Variants in PDPR observed in about 807,000 individuals in gnomAD.
PDPR encodes pyruvate dehydrogenase phosphatase regulatory subunit, mitochondrial.
Under a neutral mutation model 102.2 loss-of-function variants are expected in PDPR, and 50 were observed. That is an observed-to-expected ratio of 0.49 (90% CI 0.39 to 0.62). PDPR has a LOEUF of 0.62. Ranked by LOEUF, PDPR falls within the 20% of genes least tolerant of loss-of-function variation. The pLI, the probability that PDPR is intolerant of heterozygous loss-of-function variation, is 0.00. For synonymous variants in PDPR, 259 were observed against 406.0 expected (o/e 0.64, Z 4.35); for missense variants, 625 against 1,098.2 (o/e 0.57, Z 6.09).
chr16:70,157,180 C>G lies in PDPR; in HGVS notation c.*301C>G, dbSNP rs1482219880. The G allele has an allele frequency of 9.7e-6, 6 of 617,888 alleles. No homozygotes were observed. Among genetic ancestry groups the G allele is most frequent in the South Asian group, 9.1e-5 (6 of 65,888 alleles). 38.3% of individuals were successfully genotyped at this position (617,888 alleles called of 1,614,324 possible). A position where few individuals can be genotyped will look rare whatever the true frequency, so the allele number is the denominator to read the frequency against. On this transcript the variant is annotated 3_prime_UTR_variant, in exon 19 of 19. Coordinates refer to ENST00000288050, the MANE Select transcript of PDPR (RefSeq NM_017990.5). ...GGACAGAAGCAAGCTCCACTGTGGA[C>G]ATGAGTGATGGTGACAGCTGCTTTC...
chr16:70,128,424 C>T (rs1481608167), intron 4 of PDPR, among the ~76,000 whole-genome samples: 3 of 152,242 alleles, frequency 2.0e-5, no homozygotes, highest in Non-Finnish European at 4.4e-5. Flanking sequence ...GACAGGGTTT[C>T]ACCATGCTGG....
intron 16 of PDPR, 145 bp from the exon 17 acceptor site, chr16:70,148,319 A>G: frequency 1.4e-6 from 1 of 724,544 alleles, no homozygotes; most frequent in Non-Finnish European, 2.4e-6. Context: ...GAAGTTAACC[A>G]CTTTCGGGAT....
chr16:70,128,078 A>T (rs1363680691), intron 4 of PDPR, among the ~76,000 whole-genome samples: 2 of 152,256 alleles, frequency 1.3e-5, no homozygotes, highest in Non-Finnish European at 2.9e-5. Flanking sequence ...GGGGAAGAAG[A>T]AGGGAGAATC....
intron 10 of PDPR, among the ~76,000 whole-genome samples, chr16:70,137,995 A>G (rs1965324057): frequency 6.6e-6 from 1 of 152,002 alleles, no homozygotes; most frequent in East Asian, 1.9e-4. Flanking sequence ...CAGACTCCAG[A>G]AGAGCTAGAA....
chr16:70,146,095 A>G (rs1458563025), intron 15 of PDPR, 39 bp from the exon 16 acceptor site: 2 of 1,605,862 alleles, frequency 1.2e-6, no homozygotes, highest in South Asian at 1.1e-5. Flanking sequence ...TCAGCTGTTC[A>G]GAAGGAGAGC....
At chr16:70,139,620 T>G in intron 11 of PDPR, among the ~76,000 whole-genome samples, 1 of 152,286 alleles carries the variant, frequency 6.6e-6, no homozygotes, top group Non-Finnish European at 1.5e-5. Flanking sequence ...GCTTCAACTT[T>G]GAAGGATTGG....
Position 70,143,627 on chromosome 16 carries a change from G to A in PDPR, c.1723G>A (p.Asp575Asn), listed in dbSNP as rs373485595. ...MLNEGGGYEN[D>N]CSIARLNKRS... ...CAACGAGGGTGGAGGGTATGAAAAT[G>A]ACTGCAGCATAGCACGACTGAACAA... is the stretch of plus-strand genomic sequence containing the variant. Residue 575 changes from aspartate to asparagine, a missense_variant, in exon 14 of 19, where the codon GAC becomes AAC. Asp to Asn is a conservative substitution (Grantham distance 23). Transcript: ENST00000288050. The A allele has an allele frequency of 2.6e-4, 420 of 1,613,406 alleles. No homozygotes were observed. In the South Asian group the frequency reaches 4.5e-3, roughly 17 times the overall value.
At chr16:70,140,293 A>G (rs1965576109) in intron 11 of PDPR, among the ~76,000 whole-genome samples, 1 of 152,272 alleles carries the variant, frequency 6.6e-6, no homozygotes, top group South Asian at 2.1e-4. Flanking sequence ...GTGAGCCATG[A>G]TGGTGCCACT....
At chr16:70,119,946 T>C (rs1963057773) in intron 2 of PDPR, among the ~76,000 whole-genome samples, 1 of 151,216 alleles carries the variant, frequency 6.6e-6, no homozygotes, top group Non-Finnish European at 1.5e-5. Flanking sequence ...AGACGGAGTC[T>C]CGCTCTGTCG....
rs868864749 is a variant in PDPR at position 70,123,455 on chromosome 16, C to T, written c.227+2736C>T. On this transcript the variant is annotated intron_variant, in intron 3 of 18. Coordinates refer to ENST00000288050, the MANE Select transcript of PDPR (RefSeq NM_017990.5). ...ATTTCACCTTGTTGTCCAGGCTGGCCTCAAACTCCTGGGCTCAAGTGATCC... is the reference window on the plus strand; with the variant it reads ...ATTTCACCTTGTTGTCCAGGCTGGCTTCAAACTCCTGGGCTCAAGTGATCC... Among the ~76,000 whole-genome samples the T allele has an allele frequency of 1.9e-4, 29 of 152,340 alleles. No individual in the cohort carries two copies. In the Middle Eastern group the frequency reaches 0.024, roughly 126 times the overall value.
At chr16:70,153,266 C>A (rs1966843221) in intron 17 of PDPR, 125 bp from the exon 18 acceptor site, 2 of 1,104,450 alleles carry the variant, frequency 1.8e-6, no homozygotes, top group East Asian at 5.3e-5. Flanking sequence ...GATGAGACAT[C>A]CTGGGAGTTT....
chr16:70,124,314 G>C (rs1963691862), intron 3 of PDPR, among the ~76,000 whole-genome samples: 3 of 152,268 alleles, frequency 2.0e-5, no homozygotes, highest in East Asian at 1.9e-4. Context: ...AGTGAGCCAA[G>C]TTTGTGCCAC....
At chr16:70,138,375 C>T (rs1297478939) in intron 10 of PDPR, among the ~76,000 whole-genome samples, 5 of 152,196 alleles carry the variant, frequency 3.3e-5, no homozygotes, top group South Asian at 4.1e-4. Flanking sequence ...TGTGCCACCA[C>T]ACTGGCTAAT....
chr16:70,139,851 C>T (rs1965533366), intron 11 of PDPR, among the ~76,000 whole-genome samples: 1 of 152,258 alleles, frequency 6.6e-6, no homozygotes, highest in East Asian at 1.9e-4. Context: ...CTCTGACCAC[C>T]ATTCTTGGTT....
chr16:70,146,599 CAG>C (rs1466185666), intron 16 of PDPR, among the ~76,000 whole-genome samples: 1 of 113,096 alleles, frequency 8.8e-6, no homozygotes, highest in Admixed American at 9.8e-5. Context: ...ACCTGGGTGA[CAG>C]AGTGAGACTC....
At chr16:70,154,434 A>T (rs1966888413) in intron 18 of PDPR, among the ~76,000 whole-genome samples, 1 of 152,306 alleles carries the variant, frequency 6.6e-6, no homozygotes, top group African/African-American at 2.4e-5. Flanking sequence ...ACTTGAGCTC[A>T]GCCTGGGCAA....
chr16:70,116,911 C>T (rs1271299768), intron 2 of PDPR, among the ~76,000 whole-genome samples: 1 of 151,908 alleles, frequency 6.6e-6, no homozygotes, highest in African/African-American at 2.4e-5. Context: ...CTTTGCAATT[C>T]CCTTTCTCTG....
intron 3 of PDPR, among the ~76,000 whole-genome samples, chr16:70,126,175 A>G (rs1443192133): frequency 1.3e-5 from 2 of 152,238 alleles, no homozygotes; most frequent in African/African-American, 4.8e-5. Flanking sequence ...ATTCTTTTTT[A>G]TAGCTGCATA....
In PDPR at chr16:70,156,973, T is replaced by A; in HGVS notation, c.*94T>A. 1 of 1,506,028 alleles carries A rather than the reference T, an allele frequency of 6.6e-7. No individual in the cohort carries two copies. Among genetic ancestry groups the A allele is most frequent in the Non-Finnish European group, 9.1e-7 (1 of 1,104,550 alleles). 93.3% of individuals were successfully genotyped at this position (1,506,028 alleles called of 1,614,324 possible). ...CTTCCTTCCGCCTCTGTTCCTCTTCTGGAGCCTTTGCCTCCCATCTCTTAT... is the reference window on the plus strand; with the variant it reads ...CTTCCTTCCGCCTCTGTTCCTCTTCAGGAGCCTTTGCCTCCCATCTCTTAT... On this transcript the variant is annotated 3_prime_UTR_variant, in exon 19 of 19. Coordinates refer to ENST00000288050, the MANE Select transcript of PDPR (RefSeq NM_017990.5).
Sources: gnomAD v4.1 joint callset for allele counts (sites outside exome capture counted in the v4.1 genomes callset) on GRCh38, gnomAD v4.1.1 for gene constraint, MANE v1.5 for transcripts, NCBI Gene and HGNC (gene_info 2026-07-23, HGNC 2026-07-21) for gene names.